Variants in EXOC6B observed in about 807,000 individuals in gnomAD.
EXOC6B encodes SEC15 homolog B.
Under a neutral mutation model 113.5 loss-of-function variants are expected in EXOC6B, and 54 were observed. The observed-to-expected ratio is 0.48, with a 90% CI of 0.38 to 0.60. The LOEUF is 0.60. EXOC6B is among the 20% of genes least tolerant of loss of function. The pLI is 0.00. For missense variants in EXOC6B, 797 were observed against 977.5 expected (o/e 0.82, Z 2.46); for synonymous variants, 357 against 339.0 (o/e 1.05, Z -0.58).
intron 6 of EXOC6B, among the ~76,000 whole-genome samples, chr2:72,610,829 T>C (rs1294698056): frequency 6.6e-6 from 1 of 152,104 alleles, no homozygotes; most frequent in Non-Finnish European, 1.5e-5. Flanking sequence ...TTTCAAGGAA[T>C]AAAGCCAAAA....
At chr2:72,238,933 C>T (rs1224842932) in intron 20 of EXOC6B, among the ~76,000 whole-genome samples, 1 of 152,130 alleles carries the variant, frequency 6.6e-6, no homozygotes, top group Non-Finnish European at 1.5e-5. Flanking sequence ...GAGTCTCACT[C>T]TGTTGCCCCG....
chr2:72,647,496 A>C (rs1038170938), intron 6 of EXOC6B, among the ~76,000 whole-genome samples: 2 of 152,222 alleles, frequency 1.3e-5, no homozygotes, highest in African/African-American at 2.4e-5. Flanking sequence ...AAAAGAACAA[A>C]GCTGGAGGCA....
chr2:72,200,499 C>T (rs760561996), intron 20 of EXOC6B, among the ~76,000 whole-genome samples: 8 of 152,164 alleles, frequency 5.3e-5, no homozygotes, highest in African/African-American at 9.7e-5. Flanking sequence ...AGCCACTGTG[C>T]CAGGCCAGTG....
chr2:72,565,728 A>G (rs7340316), intron 7 of EXOC6B, among the ~76,000 whole-genome samples: 2,874 of 152,324 alleles, frequency 0.019, 92 homozygotes, highest in African/African-American at 0.064. Flanking sequence ...AATGAAAATT[A>G]AAACTACAAA....
chr2:72,790,838 T>C (rs1313544967), intron 1 of EXOC6B, among the ~76,000 whole-genome samples: 2 of 152,074 alleles, frequency 1.3e-5, no homozygotes, highest in East Asian at 1.9e-4. Context: ...AATAGGCCTA[T>C]TGAAAATAAA....
At chr2:72,338,701 T>C (rs1688842665) in intron 19 of EXOC6B, among the ~76,000 whole-genome samples, 1 of 152,124 alleles carries the variant, frequency 6.6e-6, no homozygotes, top group African/African-American at 2.4e-5. Flanking sequence ...TTTTAAAATA[T>C]AGGAGACTTT....
At chr2:72,266,098 GTTGT>G (rs1219333405) in intron 20 of EXOC6B, among the ~76,000 whole-genome samples, 1 of 152,162 alleles carries the variant, frequency 6.6e-6, no homozygotes, top group Non-Finnish European at 1.5e-5. Flanking sequence ...TGTTGATGGG[GTTGT>G]TTGTTTTTTT....
chr2:72,209,756 C>T (rs187248178), intron 20 of EXOC6B, among the ~76,000 whole-genome samples: 1 of 152,290 alleles, frequency 6.6e-6, no homozygotes, highest in East Asian at 1.9e-4. Context: ...TAAGTAAAGG[C>T]TTACAGCTAC....
At chr2:72,308,988 CA>C (rs1437964177) in intron 20 of EXOC6B, among the ~76,000 whole-genome samples, 1 of 151,952 alleles carries the variant, frequency 6.6e-6, no homozygotes, top group Non-Finnish European at 1.5e-5. Flanking sequence ...TATTAACATA[CA>C]AGATGACAAA....
At chr2:72,798,921 T>C (rs1330959804) in intron 1 of EXOC6B, among the ~76,000 whole-genome samples, 2 of 152,132 alleles carry the variant, frequency 1.3e-5, no homozygotes, top group Non-Finnish European at 2.9e-5. Context: ...TATAATTATA[T>C]GTAGTCATTT....
rs112479281 is a variant in EXOC6B at position 72,613,989 on chromosome 2, T to A, written c.670-38321A>T. 5.4e-4 allele frequency among the ~76,000 whole-genome samples: 83 copies of A among 152,302 alleles called. 1 individual carries two copies. The highest frequency in any genetic ancestry group is 1.8e-3 in the African/African-American group (74 of 41,584). The stretch of plus-strand genomic sequence containing the variant: ...TTTTTTGCAACACAGCCATGTTCAT[T>A]CATGTTAGTATTATCTACAGCTGCT... On this transcript the variant is annotated intron_variant, in intron 6 of 21. Coordinates refer to ENST00000272427, the MANE Select transcript of EXOC6B (RefSeq NM_015189.3).
intron 20 of EXOC6B, among the ~76,000 whole-genome samples, chr2:72,209,864 C>G (rs1179640062): frequency 6.6e-6 from 1 of 152,118 alleles, no homozygotes; most frequent in East Asian, 1.9e-4. Flanking sequence ...CTCTTACTTA[C>G]CAAGGACAAT....
chr2:72,344,847 C>CAAAG (rs1689233185), intron 19 of EXOC6B, among the ~76,000 whole-genome samples: 2 of 151,960 alleles, frequency 1.3e-5, no homozygotes, highest in East Asian at 3.9e-4. Flanking sequence ...AAAGCACAAG[C>CAAAG]CCTTTAAATC....
chr2:72,693,648 G>A (rs1012733896), intron 6 of EXOC6B, among the ~76,000 whole-genome samples: 10 of 152,158 alleles, frequency 6.6e-5, no homozygotes, highest in African/African-American at 1.7e-4. Flanking sequence ...GATACATCAA[G>A]GTTTGGTCGG....
chr2:72,525,564 C>T (rs1393316172), intron 8 of EXOC6B, among the ~76,000 whole-genome samples: 3 of 152,104 alleles, frequency 2.0e-5, no homozygotes, highest in Non-Finnish European at 4.4e-5. Flanking sequence ...TTGGATTTCA[C>T]TTTTAAGATA....
chr2:72,264,602 T>G (rs1235510114), intron 20 of EXOC6B, among the ~76,000 whole-genome samples: 1 of 151,944 alleles, frequency 6.6e-6, no homozygotes, highest in African/African-American at 2.4e-5. Context: ...AACATATACC[T>G]TGATATGGTT....
chr2:72,401,646 C>CATATATATATATATACATATATACAT (rs1693314727), intron 18 of EXOC6B, among the ~76,000 whole-genome samples: 5 of 20,686 alleles, frequency 2.4e-4, no homozygotes, highest in Non-Finnish European at 3.2e-4. Flanking sequence ...TACATATATA[C>CATATATATATATATACATATATACAT]ATATATATAT....
chr2:72,660,664 T>G (rs958231165), intron 6 of EXOC6B, among the ~76,000 whole-genome samples: 17 of 152,198 alleles, frequency 1.1e-4, no homozygotes, highest in Admixed American at 9.2e-4. Flanking sequence ...TCAGGTAAAA[T>G]GAGGTAAGTA....
chr2:72,614,028 A>G (rs530238171), intron 6 of EXOC6B, among the ~76,000 whole-genome samples: 1 of 152,304 alleles, frequency 6.6e-6, no homozygotes, highest in East Asian at 1.9e-4. Flanking sequence ...CACAAACCAC[A>G]AAAGCACAGT....
Sources: gnomAD v4.1 joint callset for allele counts (sites outside exome capture counted in the v4.1 genomes callset) on GRCh38, gnomAD v4.1.1 for gene constraint, MANE v1.5 for transcripts, NCBI Gene and HGNC (gene_info 2026-07-23, HGNC 2026-07-21) for gene names.